The following SCN11A variants were observed in gnomAD, a reference collection of about 807,000 sequenced individuals.
The protein encoded by SCN11A is sodium channel protein type 11 subunit alpha.
Under a neutral mutation model 162.2 loss-of-function variants are expected in SCN11A, and 122 were observed. The observed-to-expected ratio is 0.75, with a 90% CI of 0.65 to 0.87. SCN11A has a LOEUF of 0.87. Ranked by LOEUF, SCN11A falls within the 40% of genes least tolerant of loss-of-function variation. SCN11A has a pLI of 0.00. For synonymous variants in SCN11A, 758 were observed against 751.5 expected, an observed-to-expected ratio of 1.01 and a Z score of -0.14; for missense variants, 2,015 against 2,181.6, an observed-to-expected ratio of 0.92 and a Z score of 1.52.
chr3:38,923,258 C>T (rs1308985730), intron 9 of SCN11A, among the ~76,000 whole-genome samples: 1 of 152,094 alleles, frequency 6.6e-6, no homozygotes, highest in East Asian at 1.9e-4. Flanking sequence ...AGACCTTGGT[C>T]CTCTTCTATT....
At chr3:38,873,409 G>C (rs1361806669) in intron 23 of SCN11A, among the ~76,000 whole-genome samples, 1 of 152,114 alleles carries the variant, frequency 6.6e-6, no homozygotes, top group African/African-American at 2.4e-5. Context: ...GAGAAATTGA[G>C]TTAATATGAC....
intron 28 of SCN11A, among the ~76,000 whole-genome samples, chr3:38,852,487 T>G (rs544891197): frequency 6.6e-6 from 1 of 152,300 alleles, no homozygotes; most frequent in East Asian, 1.9e-4. Context: ...TTGGATTACC[T>G]AAAGTGTTGG....
intron 2 of SCN11A, among the ~76,000 whole-genome samples, chr3:38,994,044 T>C (rs1055052756): frequency 3.3e-5 from 5 of 152,204 alleles, no homozygotes; most frequent in South Asian, 2.1e-4. Context: ...ACTTTTCTCC[T>C]TTCCCTGCCT....
chr3:39,038,389 T>C (rs1331899365), intron 1 of SCN11A, among the ~76,000 whole-genome samples: 1 of 152,164 alleles, frequency 6.6e-6, no homozygotes, highest in Non-Finnish European at 1.5e-5. Context: ...CCAAGACACA[T>C]ACAGTGAGGA....
At chr3:38,946,990 G>T in intron 5 of SCN11A, 83 bp from the exon 6 acceptor site, 1 of 799,424 alleles carries the variant, frequency 1.3e-6, no homozygotes, top group African/African-American at 1.7e-5. Context: ...TATTTATCAT[G>T]AATTCATTTA....
chr3:39,027,337 G>C (rs1271801272), intron 2 of SCN11A, among the ~76,000 whole-genome samples: 1 of 152,164 alleles, frequency 6.6e-6, no homozygotes, highest in African/African-American at 2.4e-5. Flanking sequence ...ATTAAACCAC[G>C]AGATTTGCAA....
intron 2 of SCN11A, among the ~76,000 whole-genome samples, chr3:38,988,896 G>A (rs2030355399): frequency 6.6e-6 from 1 of 152,132 alleles, no homozygotes. Flanking sequence ...GGTCATAGGA[G>A]AATAAAAGAA....
At chr3:38,965,438 C>T (rs1267930056) in intron 2 of SCN11A, among the ~76,000 whole-genome samples, 1 of 152,118 alleles carries the variant, frequency 6.6e-6, no homozygotes, top group Non-Finnish European at 1.5e-5. Flanking sequence ...CAGCTTCGCC[C>T]AGTGCAAGCC....
At chr3:38,933,655 G>A (rs192098573) in intron 7 of SCN11A, among the ~76,000 whole-genome samples, 8,388 of 152,204 alleles carry the variant, frequency 0.055, 770 homozygotes, top group African/African-American at 0.19. Context: ...GAAATGAAGC[G>A]AGAAGGGAAG....
In SCN11A at chr3:38,885,384, T is replaced by C. The variant is rs151130228; in HGVS notation, c.2968A>G (p.Ile990Val). ...DPRKKSDVTS[I>V]LSECSTIDLQ... is the part of the protein sequence containing the mutation. ...TCAATGGTGCTACATTCTGATAGTA[T>C]ACTGGTAACATCAGACTTCTGCACA... The change falls in exon 21 of 30, where the codon ATA becomes GTA. Residue 990 changes from isoleucine (I) to valine (V), a missense_variant. Ile to Val is a conservative substitution (Grantham distance 29, BLOSUM62 3). Transcript: ENST00000302328. 5.0e-6 allele frequency: 8 copies of C among 1,604,444 alleles called. No individual in the cohort carries two copies. The South Asian group carries it at 8.8e-5, about 18-fold the overall frequency.
rs752198613 is a variant in SCN11A, at chr3:38,903,874, T to C, written c.1833A>G (p.Ile611Met). Residue 611 changes from isoleucine (I) to methionine (M), a missense_variant, in exon 16 of 30, where the codon ATA becomes ATG. Ile to Met is a conservative substitution (Grantham distance 10). Transcript: ENST00000302328. ...MEASFEKMLN[I>M]GNLVFTSIFI... ...AAAAGTGTAATGTTACCAAATTCCCTATATTCAACATCTTCTCAAAACTGG... is the reference window on the plus strand; with the variant it reads ...AAAAGTGTAATGTTACCAAATTCCCCATATTCAACATCTTCTCAAAACTGG... 5.0e-6 allele frequency: 8 copies of C among 1,592,250 alleles called. No homozygotes were observed. In the South Asian group the frequency reaches 8.0e-5, roughly 16 times the overall value.
chr3:38,896,586 G>A (rs1008764326), intron 18 of SCN11A, among the ~76,000 whole-genome samples: 3 of 152,164 alleles, frequency 2.0e-5, no homozygotes, highest in Non-Finnish European at 4.4e-5. Flanking sequence ...CTGGGGAAGA[G>A]AATACTATTG....
chr3:38,888,844 C>T (rs145294896), intron 19 of SCN11A, among the ~76,000 whole-genome samples: 214 of 152,244 alleles, frequency 1.4e-3, no homozygotes, highest in African/African-American at 5.0e-3. Flanking sequence ...TATGGAGGCT[C>T]CACTCTAGAC....
intron 29 of SCN11A, 76 bp downstream of exon 29, chr3:38,850,405 C>A: frequency 7.2e-7 from 1 of 1,387,080 alleles, no homozygotes; most frequent in Non-Finnish European, 9.9e-7. Context: ...ATAGTTTGAA[C>A]AAACTTCAAA....
At position 38,900,004 on chromosome 3, in the gene SCN11A, G is replaced by A. The variant is rs768604445; in HGVS notation, c.1912C>T (p.Arg638Cys). 26 of 1,613,978 alleles carry A rather than the reference G, an allele frequency of 1.6e-5. No individual in the cohort carries two copies. The African/African-American group carries it at 2.3e-4, about 14-fold the overall frequency. Residue 638 changes from arginine (R) to cysteine (C), a missense_variant, in exon 17 of 30, where the codon CGC (arginine) becomes TGC (cysteine). Arg to Cys is a radical substitution (Grantham distance 180). Coordinates refer to ENST00000302328, the MANE Select transcript of SCN11A (RefSeq NM_001349253.2). ...CTGTCAAAAATGTTCCAGCCTCGGC[G>A]AAAGTAGTGGTAGGGATCGAGCGCA... ...IIALDPYHYF[R>C]RGWNIFDSIV...
chr3:38,846,886 G>A lies in SCN11A; in HGVS notation c.5184C>T (p.Thr1728=), dbSNP rs982496528. 4.3e-6 allele frequency: 7 copies of A among 1,613,932 alleles called. No homozygotes were observed. The Admixed American group carries it at 6.7e-5, about 15-fold the overall frequency. ...CACCTCTTTCCTCTTCCTTTCTCTT[G>A]GTGGTGGTGACTATGGGTTCATACA... ...KKLYEPIVTT[T]KRKEEERGAA... The change falls in exon 30 of 30, where the codon ACC becomes ACT. Residue 1728 remains threonine (T), a synonymous_variant. Coordinates refer to ENST00000302328, the MANE Select transcript of SCN11A (RefSeq NM_001349253.2).
At position 39,042,896 on chromosome 3, in the gene SCN11A, G is replaced by A. The variant is rs564962617; in HGVS notation, c.-404+8965C>T. On this transcript the variant is annotated intron_variant, in intron 1 of 29. Coordinates refer to ENST00000302328, the MANE Select transcript of SCN11A (RefSeq NM_001349253.2). Reference sequence around the variant, plus strand: ...CACTTGAACCCAGAAGGCAGAGTTCGCAGTGAGCCGAGATCATGCCATTGC... The same window carrying A: ...CACTTGAACCCAGAAGGCAGAGTTCACAGTGAGCCGAGATCATGCCATTGC... Among the ~76,000 whole-genome samples the A allele has an allele frequency of 2.8e-5, 4 of 143,474 alleles. No homozygotes were observed. In the South Asian group the frequency reaches 6.5e-4, roughly 23 times the overall value. The allele number at this position is 143,474 out of a possible 152,430, so 94.1% of individuals were successfully genotyped here.
At chr3:38,863,825 G>A (rs1347076103) in intron 27 of SCN11A, among the ~76,000 whole-genome samples, 1 of 152,050 alleles carries the variant, frequency 6.6e-6, no homozygotes, top group African/African-American at 2.4e-5. Flanking sequence ...TCTCATATCT[G>A]GAAATTTGGG....
chr3:39,024,248 T>C (rs1276942497), intron 2 of SCN11A, among the ~76,000 whole-genome samples: 2 of 152,204 alleles, frequency 1.3e-5, no homozygotes, highest in Non-Finnish European at 2.9e-5. Flanking sequence ...AGAAATGTGA[T>C]TAGACAAAAG....
Sources: allele counts gnomAD v4.1 joint callset (sites outside exome capture counted in the v4.1 genomes callset), GRCh38; gene constraint gnomAD v4.1.1; transcripts MANE v1.5; gene names NCBI Gene and HGNC (gene_info 2026-07-23, HGNC 2026-07-21).